Variants in DOCK3 observed in about 807,000 individuals in gnomAD.
DOCK3 encodes the protein dedicator of cytokinesis 3.
Under a neutral mutation model 265.6 loss-of-function variants are expected in DOCK3, and 60 were observed. That is an observed-to-expected ratio of 0.23 (90% confidence interval 0.18 to 0.28). The LOEUF is 0.28. DOCK3 is among the 10% of genes least tolerant of loss of function. DOCK3 has a pLI of 1.00. For synonymous variants in DOCK3, 881 were observed against 938.0 expected (o/e 0.94, Z 1.11); for missense variants, 1,981 against 2,594.3 (o/e 0.76, Z 5.14).
At chr3:51,002,626 G>C (rs545906006) in intron 5 of DOCK3, among the ~76,000 whole-genome samples, 2 of 152,214 alleles carry the variant, frequency 1.3e-5, no homozygotes, top group Non-Finnish European at 2.9e-5. Context: ...TGGGGGAGCA[G>C]TGGCATTTGG....
At chr3:50,850,845 G>A (rs2046326750) in intron 3 of DOCK3, among the ~76,000 whole-genome samples, 1 of 152,156 alleles carries the variant, frequency 6.6e-6, no homozygotes, top group South Asian at 2.1e-4. Flanking sequence ...GGCACTTATA[G>A]GTAAGAGCCA....
intron 3 of DOCK3, among the ~76,000 whole-genome samples, chr3:50,881,656 G>A (rs1041691743): frequency 1.3e-5 from 2 of 152,148 alleles, no homozygotes; most frequent in African/African-American, 2.4e-5. Context: ...CTCATGGGTA[G>A]GAAGAATCAA....
intron 1 of DOCK3, among the ~76,000 whole-genome samples, chr3:50,767,052 C>G (rs923233950): frequency 2.7e-4 from 41 of 152,214 alleles, no homozygotes; most frequent in Non-Finnish European, 5.3e-4. Context: ...CGAAAATATT[C>G]TCCCATTCTG....
intron 46 of DOCK3, among the ~76,000 whole-genome samples, chr3:51,358,638 A>T (rs1412557896): frequency 6.6e-6 from 1 of 151,966 alleles, no homozygotes; most frequent in Non-Finnish European, 1.5e-5. Flanking sequence ...ATCCAAGCTC[A>T]CATCTGAGAT....
At chr3:50,907,159 G>A (rs1448517889) in intron 4 of DOCK3, among the ~76,000 whole-genome samples, 1 of 152,088 alleles carries the variant, frequency 6.6e-6, no homozygotes, top group Non-Finnish European at 1.5e-5. Flanking sequence ...ATTTCCTGAG[G>A]AGTGCTTTAC....
intron 7 of DOCK3, among the ~76,000 whole-genome samples, chr3:51,087,121 T>C (rs1164370150): frequency 6.6e-6 from 1 of 152,196 alleles, no homozygotes; most frequent in Non-Finnish European, 1.5e-5. Context: ...CCTAACTCAT[T>C]CTATGAGACC....
intron 7 of DOCK3, among the ~76,000 whole-genome samples, chr3:51,078,758 A>G (rs1194984856): frequency 6.6e-6 from 1 of 152,178 alleles, no homozygotes; most frequent in Non-Finnish European, 1.5e-5. Context: ...CAACAATAAT[A>G]ACAATGCTCT....
chr3:50,895,365 C>A (rs2048846997), intron 4 of DOCK3, among the ~76,000 whole-genome samples: 3 of 149,782 alleles, frequency 2.0e-5, no homozygotes, highest in African/African-American at 7.4e-5. Context: ...GGTATTAAGC[C>A]CAGCATTCAT....
chr3:50,737,150 G>C (rs894685471), intron 1 of DOCK3, among the ~76,000 whole-genome samples: 10 of 152,078 alleles, frequency 6.6e-5, no homozygotes, highest in Admixed American at 6.5e-4. Flanking sequence ...CATTCTGTAG[G>C]TTACCTATTC....
At chr3:51,281,762 G>GC (rs1560346154) in intron 27 of DOCK3, among the ~76,000 whole-genome samples, 1 of 152,134 alleles carries the variant, frequency 6.6e-6, no homozygotes, top group East Asian at 1.9e-4. Flanking sequence ...TCTCTAGCAG[G>GC]CTTCCCTGTA....
At chr3:50,828,753 G>A (rs566015658) in intron 2 of DOCK3, among the ~76,000 whole-genome samples, 117 of 148,574 alleles carry the variant, frequency 7.9e-4, no homozygotes, top group African/African-American at 2.7e-3. Flanking sequence ...TCACTCTGTC[G>A]CCCAGGCTGG....
intron 9 of DOCK3, among the ~76,000 whole-genome samples, chr3:51,128,817 T>G (rs2084382769): frequency 6.6e-6 from 1 of 152,158 alleles, no homozygotes; most frequent in Admixed American, 6.5e-5. Flanking sequence ...TCCATGTTGC[T>G]AAGCCCAAGC....
intron 12 of DOCK3, among the ~76,000 whole-genome samples, chr3:51,181,663 G>A (rs1206366852): frequency 6.6e-6 from 1 of 152,104 alleles, no homozygotes; most frequent in African/African-American, 2.4e-5. Context: ...AAGTTATGGA[G>A]GAAAACAAGT....
rs921398060 is a variant in DOCK3 at position 50,957,612 on chromosome 3, C to T, written c.315+23535C>T. 4.6e-5 allele frequency among the ~76,000 whole-genome samples: 7 copies of T among 152,138 alleles called. No individual in the cohort carries two copies. In the East Asian group the frequency reaches 5.8e-4, roughly 13 times the overall value. Reference sequence around the variant, plus strand: ...AAAACTTTGTTAAAGTAGAACCAAACGTTTCATGGAGGAATTGTTATTTAG... The same window carrying T: ...AAAACTTTGTTAAAGTAGAACCAAATGTTTCATGGAGGAATTGTTATTTAG... On this transcript the variant is annotated intron_variant, in intron 5 of 52. Coordinates refer to ENST00000266037, the MANE Select transcript of DOCK3 (RefSeq NM_004947.5).
intron 2 of DOCK3, among the ~76,000 whole-genome samples, chr3:50,780,864 G>T (rs1391608877): frequency 6.6e-6 from 1 of 151,404 alleles, no homozygotes; most frequent in Non-Finnish European, 1.5e-5. Flanking sequence ...CTTCATTCAG[G>T]TTTTTTTTGT....
intron 32 of DOCK3, among the ~76,000 whole-genome samples, chr3:51,325,704 C>CATAT (rs944751738): frequency 2.6e-5 from 4 of 152,166 alleles, no homozygotes; most frequent in Non-Finnish European, 5.9e-5. Flanking sequence ...AAATGTGGCA[C>CATAT]ATATACACCA....
chr3:51,087,867 C>T lies in DOCK3; in HGVS notation c.550-1376C>T, dbSNP rs540545625. Among the ~76,000 whole-genome samples, 3 of 152,068 alleles carry T rather than the reference C, an allele frequency of 2.0e-5. No individual in the cohort carries two copies. The South Asian group carries it at 6.2e-4, about 32-fold the overall frequency. ...GACTTCCCAAAAAACAAAACAGAAC[C>T]ACCATTTGATCCAGCAGTCCTACTA... On this transcript the variant is annotated intron_variant, in intron 7 of 52. Coordinates refer to ENST00000266037, the MANE Select transcript of DOCK3 (RefSeq NM_004947.5).
chr3:51,051,968 A>G (rs1575892096), intron 5 of DOCK3, among the ~76,000 whole-genome samples: 1 of 152,144 alleles, frequency 6.6e-6, no homozygotes, highest in Non-Finnish European at 1.5e-5. Context: ...GCTACACCCC[A>G]TGATCCAAAC....
Position 51,160,689 on chromosome 3 carries a change from C to T in DOCK3, c.1024C>T (p.Leu342Phe), listed in dbSNP as rs2086081852. 1.2e-6 allele frequency: 2 copies of T among 1,612,156 alleles called. No individual in the cohort carries two copies. The highest frequency in any genetic ancestry group is 1.7e-6 in the Non-Finnish European group (2 of 1,179,218). The change falls in exon 12 of 53, where the codon CTT becomes TTT. Residue 342 changes from leucine to phenylalanine, a missense_variant. Leu to Phe is a conservative substitution (Grantham distance 22). This residue lies in a region of DOCK3 where 456 missense variants were observed against 539.0 expected (regional missense o/e 0.85). Transcript: ENST00000266037. ...TEVKEEKDFV[L>F]KVYTCNNESE... ...AGTAAAGGAAGAAAAGGATTTTGTT[C>T]TTAAGGTTTACACGTGAGTAATGGA...
Sources: allele counts gnomAD v4.1 joint callset (sites outside exome capture counted in the v4.1 genomes callset), GRCh38; gene constraint gnomAD v4.1.1; regional missense constraint gnomAD v4.1.1; transcripts MANE v1.5; gene names NCBI Gene and HGNC (gene_info 2026-07-23, HGNC 2026-07-21).